Variants in TMC6 observed in about 807,000 individuals in gnomAD.
The protein encoded by TMC6 is transmembrane channel-like protein 6.
Under a neutral mutation model 95.4 loss-of-function variants are expected in TMC6, and 71 were observed. The observed-to-expected ratio is 0.74, with a 90% confidence interval of 0.61 to 0.91. The LOEUF (loss-of-function observed/expected upper bound fraction) is 0.91, where lower values mean the gene tolerates loss of function less well. Among genes scored for constraint, TMC6 ranks in the 40% least tolerant of loss-of-function variants. The pLI, the probability that TMC6 is intolerant of heterozygous loss-of-function variation, is 0.00. For missense variants in TMC6, 1,074 were observed against 1,079.1 expected (o/e 1.00, Z 0.07); for synonymous variants, 514 against 483.1 (o/e 1.06, Z -0.84).
intron 14 of TMC6, 58 bp from the exon 15 acceptor site, chr17:78,119,104 G>T (rs543063833): frequency 1.3e-6 from 2 of 1,539,636 alleles, no homozygotes. Flanking sequence ...CCCGAGATCA[G>T]GCTGGTTCCA....
rs1014180114 is a variant in TMC6, at chr17:78,121,917, G to C, written c.1228-206C>G. Among the ~76,000 whole-genome samples the C allele has an allele frequency of 2.6e-5, 4 of 152,080 alleles. No homozygotes were observed. Among genetic ancestry groups the C allele is most frequent in the African/African-American group, 9.7e-5 (4 of 41,420 alleles). ...AGAGAGGACCCAGTCCCCCTGCCGA[G>C]AGGCCCCTGTGCCTGGGCTGGCGTT... On this transcript the variant is annotated intron_variant, in intron 10 of 19. Transcript: ENST00000590602. The surrounding 1 kb of genome is among the most constrained non-coding windows in gnomAD (Gnocchi z 5.6).
At chr17:78,132,320 G>A (rs2075028887), upstream of TMC6, 1 of 1,610,348 alleles carries the variant, frequency 6.2e-7, no homozygotes, top group East Asian at 2.2e-5. Context: ...CCCAGCCCCG[G>A]CCCCGGCCTC....
intron 14 of TMC6, 79 bp downstream of exon 14, chr17:78,119,218 A>AG (rs2074285033): frequency 5.8e-6 from 9 of 1,555,452 alleles, no homozygotes; most frequent in Non-Finnish European, 8.0e-6. Context: ...CCCCAGGGGG[A>AG]GGCAGGTACA....
At chr17:78,131,583 G>A (rs2074966882), upstream of TMC6, 3 of 1,544,114 alleles carry the variant, frequency 1.9e-6, no homozygotes, top group Non-Finnish European at 2.6e-6. Flanking sequence ...ACCCGTGCCC[G>A]CCGAGATGCT....
chr17:78,122,002 C>T lies in TMC6; in HGVS notation c.1228-291G>A, dbSNP rs887009463. 3.3e-5 allele frequency among the ~76,000 whole-genome samples: 5 copies of T among 152,192 alleles called. No individual in the cohort carries two copies. Among genetic ancestry groups the T allele is most frequent in the South Asian group, 2.1e-4 (1 of 4,836 alleles). ...ACCTCCCCAGCCCTGCCCGCTGGGG[C>T]AGGGGCCTTGCTCAGAGGTCCTTTC... On this transcript the variant is annotated intron_variant, in intron 10 of 19. Coordinates refer to ENST00000590602, the MANE Select transcript of TMC6 (RefSeq NM_001127198.5). The surrounding 1 kb of genome is among the most constrained non-coding windows in gnomAD (Gnocchi z 4.9).
rs970968421 is a variant in TMC6, at chr17:78,122,571, G to T, written c.1227+34C>A. ...CCCAGGGCCAGGCCTGCAGGGAGCTGGGCAGGCCAGCTTGGTGCTCCGGGG... is the reference window on the plus strand; with the variant it reads ...CCCAGGGCCAGGCCTGCAGGGAGCTTGGCAGGCCAGCTTGGTGCTCCGGGG... On this transcript the variant is annotated intron_variant, in intron 10 of 19. Transcript: ENST00000590602. The surrounding 1 kb of genome is among the most constrained non-coding windows in gnomAD (Gnocchi z 4.9). 4 of 1,604,528 alleles carry T rather than the reference G, an allele frequency of 2.5e-6. No homozygotes were observed. Among genetic ancestry groups the T allele is most frequent in the Non-Finnish European group, 3.4e-6 (4 of 1,179,628 alleles).
At chr17:78,116,592 T>C (rs2074128994) in intron 18 of TMC6, among the ~76,000 whole-genome samples, 2 of 151,782 alleles carry the variant, frequency 1.3e-5, no homozygotes, top group South Asian at 2.1e-4. Context: ...GTTTTCTTCA[T>C]AAAAATGTTT....
chr17:78,132,108 T>A, upstream of TMC6: 2 of 1,526,954 alleles, frequency 1.3e-6, no homozygotes, highest in South Asian at 2.4e-5. Flanking sequence ...GAGAGTGGCA[T>A]CATCCCACCT....
At position 78,118,981 on chromosome 17, in the gene TMC6, T is replaced by C. The variant is rs949679730; in HGVS notation, c.1877A>G (p.Tyr626Cys). Residue 626 changes from tyrosine to cysteine, a missense_variant, in exon 15 of 20, where the codon TAT becomes TGT. Tyr to Cys is a radical substitution (Grantham distance 194). Transcript: ENST00000590602. ...VQIIKLLLVF[Y>C]VKKTSLLANC... ...CCTTGGCAGCCTCACCTTCTTGACA[T>C]AGAAGACGAGCAGCAGCTTGATGAT... 9 of 1,603,424 alleles carry C rather than the reference T, an allele frequency of 5.6e-6. No homozygotes were observed. The highest frequency in any genetic ancestry group is 1.7e-4 in the Middle Eastern group (1 of 5,968).
Position 78,119,020 on chromosome 17 carries a change from A to T in TMC6, c.1838T>A (p.Leu613His). The change falls in exon 15 of 20, where the codon CTC becomes CAC. Residue 613 changes from leucine (L) to histidine (H), a missense_variant. Transcript: ENST00000590602. ...CAGCTTGATGATCTGCACGGCGGGG[A>T]GGAGGGGCGAGAAGAGCACCCCCAG... ...TWLGVLFSPL[L>H]PAVQIIKLLL... 1 of 1,602,128 alleles carries T rather than the reference A, an allele frequency of 6.2e-7. No individual in the cohort carries two copies. Among genetic ancestry groups the T allele is most frequent in the South Asian group, 1.1e-5 (1 of 89,372 alleles).
rs745642219 is a variant in TMC6 at position 78,121,126 on chromosome 17, G to A, written c.1422C>T (p.Val474=). ...EAAGQEAVLL[V]LPLVVGLLNL... ...TGAGGAGGCCAACCACCAGGGGCAG[G>A]ACCAGCAGCACAGCCTCCTGGCCAG... Residue 474 remains valine, a synonymous_variant, in exon 12 of 20, where the codon GTC becomes GTT. Transcript: ENST00000590602. This position sits in a 1 kb window ranked among gnomAD's most constrained non-coding sequence, Gnocchi z 5.6. 2.4e-5 allele frequency: 39 copies of A among 1,609,090 alleles called. No individual in the cohort carries two copies. Among genetic ancestry groups the A allele is most frequent in the Non-Finnish European group, 3.1e-5 (36 of 1,178,370 alleles).
rs1017682946 is a variant in TMC6, at chr17:78,113,023, G to C, written c.*125C>G. ...CACCCACCCTTCCAGCTCCAGCCTAGGCGCAGCTGCGGCTTTCGAGAGGCG... is the reference window on the plus strand; with the variant it reads ...CACCCACCCTTCCAGCTCCAGCCTACGCGCAGCTGCGGCTTTCGAGAGGCG... On this transcript the variant is annotated 3_prime_UTR_variant, in exon 20 of 20. Transcript: ENST00000590602. The C allele has an allele frequency of 1.8e-6, 2 of 1,142,318 alleles. No individual in the cohort carries two copies. The highest frequency in any genetic ancestry group is 4.1e-5 in the Admixed American group (2 of 48,818). 70.8% of individuals were successfully genotyped at this position (1,142,318 alleles called of 1,614,324 possible). A position where few individuals can be genotyped will look rare whatever the true frequency, so the allele number is the denominator to read the frequency against.
intron 13 of TMC6, chr17:78,120,237 A>G (rs942150790): frequency 2.0e-5 from 7 of 354,908 alleles, no homozygotes; most frequent in Admixed American, 3.9e-5. Context: ...TCAGCTCACT[A>G]CAACCTCCGC....
In TMC6 at chr17:78,117,814, T is replaced by C; in HGVS notation, c.2009A>G (p.Tyr670Cys). 6.2e-7 allele frequency: 1 copy of C among 1,607,168 alleles called. No individual in the cohort carries two copies. Among genetic ancestry groups the C allele is most frequent in the Non-Finnish European group, 8.5e-7 (1 of 1,177,160 alleles). The change falls in exon 16 of 20, where the codon TAC (tyrosine) becomes TGC (cysteine). Residue 670 changes from tyrosine to cysteine, a missense_variant. Coordinates refer to ENST00000590602, the MANE Select transcript of TMC6 (RefSeq NM_001127198.5). ...AFLGAAVFLCYAVWQVKPSST... is the reference protein window; with the variant it reads ...AFLGAAVFLCCAVWQVKPSST... The stretch of plus-strand genomic sequence containing the variant: ...CCGCCCCACTCACTGCCAGACGGCG[T>C]AGCAGAGGAAGACAGCGGCGCCCAG...
rs2074570938 is a variant in TMC6, at chr17:78,124,093, G to A, written c.978C>T (p.Ser326=). Residue 326 remains serine (S), a synonymous_variant, in exon 9 of 20, where the codon AGC becomes AGT. Transcript: ENST00000590602. Reference sequence around the variant, plus strand: ...GGCCACCCACCCTGGGTGTGCACTGGCTGCCATCCAGGGGGCTGCCACACG... The same window carrying A: ...GGCCACCCACCCTGGGTGTGCACTGACTGCCATCCAGGGGGCTGCCACACG... The part of the protein sequence containing the change: ...NQPCGSPLDG[S]QCTPRVGGLP... 1 of 1,613,370 alleles carries A rather than the reference G, an allele frequency of 6.2e-7. No individual in the cohort carries two copies. Among genetic ancestry groups the A allele is most frequent in the Non-Finnish European group, 8.5e-7 (1 of 1,179,978 alleles).
chr17:78,119,000 T>C lies in TMC6; in HGVS notation c.1858A>G (p.Lys620Glu). The C allele has an allele frequency of 6.2e-7, 1 of 1,605,664 alleles. No homozygotes were observed. The highest frequency in any genetic ancestry group is 8.5e-7 in the Non-Finnish European group (1 of 1,176,428). ...TTGACATAGAAGACGAGCAGCAGCT[T>C]GATGATCTGCACGGCGGGGAGGAGG... ...SPLLPAVQII[K>E]LLLVFYVKKT... The change falls in exon 15 of 20, where the codon AAG becomes GAG. Residue 620 changes from lysine to glutamate, a missense_variant. Lys to Glu is a moderately conservative substitution (Grantham distance 56, BLOSUM62 1). Coordinates refer to ENST00000590602, the MANE Select transcript of TMC6 (RefSeq NM_001127198.5).
chr17:78,119,930 G>A (rs1352497125), intron 13 of TMC6: 7 of 338,578 alleles, frequency 2.1e-5, no homozygotes, highest in African/African-American at 4.4e-5. Flanking sequence ...TTACAGGCGT[G>A]AGCCACCACA....
In TMC6 at chr17:78,122,372, G is replaced by A. The variant is rs3818147; in HGVS notation, c.1227+233C>T. Among the ~76,000 whole-genome samples the A allele has an allele frequency of 2.0e-5, 3 of 151,650 alleles. No homozygotes were observed. Among genetic ancestry groups the A allele is most frequent in the Admixed American group, 1.3e-4 (2 of 15,252 alleles). ...GCCCACGGGGCCATGGCGCTACTAC[G>A]CGCTAGCAGACAACAGAGGCAGCCC... On this transcript the variant is annotated intron_variant, in intron 10 of 19. Coordinates refer to ENST00000590602, the MANE Select transcript of TMC6 (RefSeq NM_001127198.5). This position sits in a 1 kb window ranked among gnomAD's most constrained non-coding sequence, Gnocchi z 4.9.
chr17:78,109,769 A>G lies in TMC6; in HGVS notation c.*3379T>C, dbSNP rs946744700. 1 of 347,478 alleles carries G rather than the reference A, an allele frequency of 2.9e-6. No individual in the cohort carries two copies. The allele number at this position is 347,478 out of a possible 1,614,324, so 21.5% of individuals were successfully genotyped here. A position where few individuals can be genotyped will look rare whatever the true frequency, so the allele number is the denominator to read the frequency against. On this transcript the variant is annotated 3_prime_UTR_variant, in exon 20 of 20. Transcript: ENST00000590602. ...CCATTAGAATTACCTGAAAATTTTT[A>G]AGATAATTCACATCCGGCCAGGCAT...
Sources: gnomAD v4.1 joint callset for allele counts (sites outside exome capture counted in the v4.1 genomes callset) on GRCh38, gnomAD v4.1.1 for gene constraint, Gnocchi (gnomAD v3.1) non-coding constraint, MANE v1.5 for transcripts, NCBI Gene and HGNC (gene_info 2026-07-23, HGNC 2026-07-21) for gene names.